The following CSMD3 variants were observed in gnomAD, a reference collection of about 807,000 sequenced individuals.
CSMD3 encodes the protein CUB and sushi domain-containing protein 3.
A neutral mutation model predicts 435.2 loss-of-function variants in CSMD3; 177 were observed. The observed-to-expected ratio is 0.41, with a 90% CI of 0.36 to 0.46. CSMD3 has a LOEUF of 0.46. Ranked by LOEUF, CSMD3 falls within the 20% of genes least tolerant of loss-of-function variation. The pLI, the probability that CSMD3 is intolerant of heterozygous loss-of-function variation, is 0.34. For missense variants in CSMD3, 4,265 were observed against 4,504.6 expected, an observed-to-expected ratio of 0.95 and a Z score of 1.52; for synonymous variants, 1,656 against 1,520.5, an observed-to-expected ratio of 1.09 and a Z score of -2.07.
At chr8:112,680,093 G>T (rs1451416240) in intron 16 of CSMD3, among the ~76,000 whole-genome samples, 2 of 152,132 alleles carry the variant, frequency 1.3e-5, no homozygotes, top group Non-Finnish European at 2.9e-5. Context: ...GGTGGCTCGT[G>T]CCTGTAATCC....
chr8:113,309,930 G>A (rs560420778), intron 2 of CSMD3: 1 of 152,256 alleles, frequency 6.6e-6, no homozygotes, highest in South Asian at 2.1e-4. Flanking sequence ...TCCTTCTAAG[G>A]ACTTTTGGGA....
intron 2 of CSMD3, among the ~76,000 whole-genome samples, chr8:113,303,483 G>A (rs910272030): frequency 6.6e-6 from 1 of 151,780 alleles, no homozygotes; most frequent in Admixed American, 6.6e-5. Context: ...AACAAAGCTG[G>A]AGGCATCATG....
intron 63 of CSMD3, 91 bp from the exon 64 acceptor site, chr8:112,247,222 G>A (rs1243796017): frequency 6.4e-6 from 5 of 780,300 alleles, no homozygotes; most frequent in African/African-American, 3.4e-5. Flanking sequence ...GTTATCAAGT[G>A]AAATTCCGTA....
intron 1 of CSMD3, among the ~76,000 whole-genome samples, chr8:113,336,613 T>A (rs1277246749): frequency 1.3e-5 from 2 of 152,068 alleles, no homozygotes; most frequent in Non-Finnish European, 2.9e-5. Flanking sequence ...GAGGATTACC[T>A]CATTGCTGTC....
intron 13 of CSMD3, among the ~76,000 whole-genome samples, chr8:112,727,642 CTT>C (rs991403543): frequency 2.6e-5 from 4 of 151,680 alleles, no homozygotes; most frequent in South Asian, 2.1e-4. Flanking sequence ...AAAATCAAAA[CTT>C]AATATTTCCA....
intron 1 of CSMD3, among the ~76,000 whole-genome samples, chr8:113,331,967 T>C (rs2094031142): frequency 6.6e-6 from 1 of 151,642 alleles, no homozygotes; most frequent in South Asian, 2.1e-4. Flanking sequence ...AATGCAACCA[T>C]ACAGCAAAGA....
chr8:112,405,248 CATATATAT>C (rs1238563530), intron 35 of CSMD3, among the ~76,000 whole-genome samples: 2 of 56,994 alleles, frequency 3.5e-5, no homozygotes, highest in African/African-American at 1.7e-4. Flanking sequence ...TATATATATA[CATATATAT>C]ATACACATAT....
rs2087140111 is a variant in CSMD3, at chr8:113,032,200, G to A, written c.918-13021C>T. On this transcript the variant is annotated intron_variant, in intron 5 of 70. Transcript: ENST00000297405. ...ATAAAGATAACCTGAAAATGAGGAA[G>A]CGACTTTGGAAGTGGGTAAAAGGCA... Among the ~76,000 whole-genome samples, 2 of 151,652 alleles carry A rather than the reference G, an allele frequency of 1.3e-5. 1 individual carries two copies. Among genetic ancestry groups the A allele is most frequent in the Non-Finnish European group, 2.9e-5 (2 of 67,836 alleles).
chr8:112,421,468 C>T (rs975621192), intron 32 of CSMD3, among the ~76,000 whole-genome samples: 10 of 151,082 alleles, frequency 6.6e-5, no homozygotes, highest in Non-Finnish European at 1.2e-4. Flanking sequence ...TACTGGAACC[C>T]GGGAGCCACA....
At chr8:113,405,064 A>C (rs989155253) in intron 1 of CSMD3, among the ~76,000 whole-genome samples, 2 of 151,528 alleles carry the variant, frequency 1.3e-5, no homozygotes, top group African/African-American at 4.8e-5. Flanking sequence ...CACTTAATAC[A>C]TGGATGAAAA....
chr8:113,087,261 T>C (rs904509064), intron 5 of CSMD3, among the ~76,000 whole-genome samples: 11 of 152,048 alleles, frequency 7.2e-5, no homozygotes, highest in African/African-American at 2.7e-4. Flanking sequence ...AGAATCAATA[T>C]CGTGAAAATG....
intron 35 of CSMD3, among the ~76,000 whole-genome samples, chr8:112,397,910 T>C (rs1830987736): frequency 6.6e-6 from 1 of 152,188 alleles, no homozygotes; most frequent in African/African-American, 2.4e-5. Context: ...GCATCAACCA[T>C]AAGTCTAATG....
rs762028210 is a variant in CSMD3 at position 112,346,125 on chromosome 8, T to C, written c.6414A>G (p.Thr2138=). 11 of 1,608,048 alleles carry C rather than the reference T, an allele frequency of 6.8e-6. No individual in the cohort carries two copies. The highest frequency in any genetic ancestry group is 8.5e-6 in the Non-Finnish European group (10 of 1,174,492). Residue 2138 remains threonine, a synonymous_variant, in exon 41 of 71, where the codon ACA becomes ACG. Coordinates refer to ENST00000297405, the MANE Select transcript of CSMD3 (RefSeq NM_198123.2). ...PGNYPSSLDC[T]WTINLPIGFG... ...AACCTATGGGTAGATTTATTGTCCA[T>C]GTGCAATCTAAACTGCTGGGATAGT...
At chr8:112,552,305 G>A (rs1264208974) in intron 26 of CSMD3, among the ~76,000 whole-genome samples, 1 of 151,912 alleles carries the variant, frequency 6.6e-6, no homozygotes, top group South Asian at 2.1e-4. Context: ...GGTCAATATA[G>A]TGAGACCTCG....
At chr8:113,239,834 C>T (rs921621567) in intron 3 of CSMD3, among the ~76,000 whole-genome samples, 5 of 152,000 alleles carry the variant, frequency 3.3e-5, no homozygotes, top group African/African-American at 1.2e-4. Context: ...ATCCTCATGA[C>T]CTAAATGTTG....
chr8:112,575,369 G>A (rs536836390), intron 23 of CSMD3, among the ~76,000 whole-genome samples: 1 of 152,006 alleles, frequency 6.6e-6, no homozygotes, highest in Non-Finnish European at 1.5e-5. Context: ...GAGAGAGAAG[G>A]TAGAAATAAG....
intron 63 of CSMD3, among the ~76,000 whole-genome samples, chr8:112,251,071 C>G (rs1436010513): frequency 6.6e-6 from 1 of 151,586 alleles, no homozygotes; most frequent in African/African-American, 2.4e-5. Flanking sequence ...TAACACTTGG[C>G]ATGCTAGAAT....
At chr8:112,586,890 G>T (rs1830773098) in intron 23 of CSMD3, among the ~76,000 whole-genome samples, 176 bp downstream of exon 23, 1 of 151,354 alleles carries the variant, frequency 6.6e-6, no homozygotes, top group Non-Finnish European at 1.5e-5. Context: ...CTATTTCAAT[G>T]AAAACAATAA....
intron 13 of CSMD3, among the ~76,000 whole-genome samples, chr8:112,769,138 C>T (rs2078052420): frequency 1.3e-5 from 2 of 151,934 alleles, no homozygotes; most frequent in Admixed American, 1.3e-4. Flanking sequence ...TGATCTCTCA[C>T]CTAGATTCTT....
Sources: allele counts gnomAD v4.1 joint callset (sites outside exome capture counted in the v4.1 genomes callset), GRCh38; gene constraint gnomAD v4.1.1; transcripts MANE v1.5; gene names NCBI Gene and HGNC (gene_info 2026-07-23, HGNC 2026-07-21).